The following THADA variants were observed in gnomAD, a reference collection of about 807,000 sequenced individuals.
THADA encodes the protein tRNA (32-2'-O)-methyltransferase regulator THADA.
A neutral mutation model predicts 219.8 loss-of-function variants in THADA; 213 were observed. The observed-to-expected ratio is 0.97, with a 90% CI of 0.87 to 1.09. THADA has a LOEUF of 1.09. Among genes scored for constraint, THADA ranks in the 50% least tolerant of loss-of-function variants. The probability of loss-of-function intolerance (pLI) is 0.00; values close to 1 mark genes in which losing one functional copy is unlikely to be tolerated. For missense variants in THADA, 2,956 were observed against 2,311.3 expected (o/e 1.28, Z -5.72); for synonymous variants, 1,018 against 828.9 (o/e 1.23, Z -3.92).
intron 26 of THADA, among the ~76,000 whole-genome samples, chr2:43,438,296 T>A (rs763689989): frequency 0.01 from 923 of 91,170 alleles, 10 homozygotes; most frequent in African/African-American, 0.037. Flanking sequence ...AGCGACTCCA[T>A]CTCAAAAAAA....
At chr2:43,255,993 GA>G (rs1379233316) in intron 36 of THADA, among the ~76,000 whole-genome samples, 1 of 152,168 alleles carries the variant, frequency 6.6e-6, no homozygotes, top group Non-Finnish European at 1.5e-5. Flanking sequence ...GTGAACTATT[GA>G]AAGAGCCAAT....
intron 26 of THADA, among the ~76,000 whole-genome samples, chr2:43,440,092 T>A (rs1680652433): frequency 6.6e-6 from 1 of 152,200 alleles, no homozygotes; most frequent in African/African-American, 2.4e-5. Context: ...GTGCCTTTCC[T>A]CATATAGAAC....
Position 43,587,955 on chromosome 2 carries a change from T to A in THADA, c.303-953A>T, listed in dbSNP as rs144693949. 1.3e-3 allele frequency among the ~76,000 whole-genome samples: 193 copies of A among 152,266 alleles called. 1 individual carries two copies. The highest frequency in any genetic ancestry group is 4.6e-3 in the African/African-American group (190 of 41,546). On this transcript the variant is annotated intron_variant, in intron 4 of 37. Coordinates refer to ENST00000405975, the MANE Select transcript of THADA (RefSeq NM_022065.5). ...TTAAATATAACTGGACAGTTCAAAG[T>A]TTTTCTGGAAGAAAATAATTCAAAA...
chr2:43,591,877 G>T, intron 3 of THADA, 75 bp downstream of exon 3: 2 of 1,014,732 alleles, frequency 2.0e-6, no homozygotes, highest in Non-Finnish European at 1.3e-6. Context: ...ACCAAAAACT[G>T]TCAGTGATTT....
intron 36 of THADA, among the ~76,000 whole-genome samples, chr2:43,237,486 T>A (rs1668166703): frequency 6.7e-6 from 1 of 150,000 alleles, no homozygotes; most frequent in African/African-American, 2.5e-5. Context: ...CAACCTCTGC[T>A]GCCCAGGTTC....
In THADA at chr2:43,365,711, T is replaced by C. The variant is rs139299240; in HGVS notation, c.4228-21474A>G. ...AGAATAAGGGTACAGAAGTAGATGATACCAGTAGATTAGAAGGCAAGTTAA... is the reference window on the plus strand; with the variant it reads ...AGAATAAGGGTACAGAAGTAGATGACACCAGTAGATTAGAAGGCAAGTTAA... On this transcript the variant is annotated intron_variant, in intron 29 of 37. Coordinates refer to ENST00000405975, the MANE Select transcript of THADA (RefSeq NM_022065.5). 1.9e-4 allele frequency among the ~76,000 whole-genome samples: 29 copies of C among 152,136 alleles called. No homozygotes were observed. The East Asian group carries it at 5.4e-3, about 28-fold the overall frequency.
At chr2:43,458,124 C>T (rs571359080) in intron 26 of THADA, among the ~76,000 whole-genome samples, 1 of 152,140 alleles carries the variant, frequency 6.6e-6, no homozygotes, top group South Asian at 2.1e-4. Context: ...CTCCTCTGGC[C>T]TAATTTAAAT....
At chr2:43,252,417 A>G (rs1669898648) in intron 36 of THADA, among the ~76,000 whole-genome samples, 1 of 152,186 alleles carries the variant, frequency 6.6e-6, no homozygotes, top group South Asian at 2.1e-4. Context: ...TGTACTTCAT[A>G]TATATTAATT....
chr2:43,430,191 C>T (rs1447868396), intron 27 of THADA, 22 bp downstream of exon 27: 6 of 1,312,728 alleles, frequency 4.6e-6, no homozygotes, highest in East Asian at 2.7e-5. Flanking sequence ...GGTCATTTTG[C>T]CCCACCCAAT....
chr2:43,488,430 G>C (rs1488999942), intron 25 of THADA, among the ~76,000 whole-genome samples: 1 of 152,142 alleles, frequency 6.6e-6, no homozygotes, highest in African/African-American at 2.4e-5. Context: ...GGATCATGTA[G>C]TATGCGGCCT....
intron 36 of THADA, among the ~76,000 whole-genome samples, chr2:43,237,426 G>T (rs1467135875): frequency 3.6e-5 from 5 of 140,076 alleles, no homozygotes; most frequent in African/African-American, 1.1e-4. Context: ...CTGAGATGGA[G>T]TCTGTCTGTC....
intron 36 of THADA, among the ~76,000 whole-genome samples, chr2:43,240,025 C>T (rs571529853): frequency 3.3e-5 from 5 of 152,230 alleles, no homozygotes; most frequent in African/African-American, 7.2e-5. Flanking sequence ...CGAAGTGTGA[C>T]GAAACAGTCG....
intron 36 of THADA, among the ~76,000 whole-genome samples, chr2:43,237,310 A>C (rs1181222943): frequency 6.6e-6 from 1 of 152,054 alleles, no homozygotes; most frequent in East Asian, 1.9e-4. Flanking sequence ...CGAAAGAATG[A>C]CGTTGGACCC....
At chr2:43,541,434 A>C (rs1020920828) in intron 20 of THADA, 118 bp from the exon 21 acceptor site, 94 of 1,136,550 alleles carry the variant, frequency 8.3e-5, no homozygotes, top group Non-Finnish European at 1.2e-4. Flanking sequence ...CCGATTTGTC[A>C]TGTTATATTT....
At chr2:43,387,337 G>C (rs887140068) in intron 29 of THADA, among the ~76,000 whole-genome samples, 2 of 152,182 alleles carry the variant, frequency 1.3e-5, no homozygotes, top group Non-Finnish European at 2.9e-5. Context: ...CATGAAGCAA[G>C]CTATAAGAAG....
chr2:43,584,523 A>G (rs2104123639), intron 7 of THADA, among the ~76,000 whole-genome samples: 1 of 152,354 alleles, frequency 6.6e-6, no homozygotes, highest in East Asian at 1.9e-4. Flanking sequence ...GTGAAAGAAG[A>G]TGTACAGGTA....
intron 16 of THADA, among the ~76,000 whole-genome samples, chr2:43,558,901 C>T (rs1164141797): frequency 6.6e-6 from 1 of 152,104 alleles, no homozygotes; most frequent in Non-Finnish European, 1.5e-5. Context: ...TAGCAAACCA[C>T]ATGTGGTACT....
chr2:43,515,019 T>TA (rs1491461000), intron 22 of THADA, among the ~76,000 whole-genome samples: 1 of 51,262 alleles, frequency 2.0e-5, no homozygotes, highest in Non-Finnish European at 3.2e-5. Flanking sequence ...ATATTATATA[T>TA]TTTATATATA....
chr2:43,525,016 G>C (rs925068349), intron 22 of THADA, among the ~76,000 whole-genome samples: 3 of 151,988 alleles, frequency 2.0e-5, no homozygotes, highest in African/African-American at 7.2e-5. Flanking sequence ...CTCTGTTTTT[G>C]TTATATCACC....
Sources: allele counts gnomAD v4.1 joint callset (sites outside exome capture counted in the v4.1 genomes callset), GRCh38; gene constraint gnomAD v4.1.1; transcripts MANE v1.5; gene names NCBI Gene and HGNC (gene_info 2026-07-23, HGNC 2026-07-21).